Variants in DGKB observed in about 807,000 individuals in gnomAD.
DGKB encodes the protein 90 kDa diacylglycerol kinase.
DGKB carries 67 observed loss-of-function variants against 114.3 expected under a neutral mutation model. The ratio of observed to expected loss-of-function variants is 0.59; its 90% CI spans 0.48 to 0.72. DGKB has a LOEUF of 0.72. Among genes scored for constraint, DGKB ranks in the 30% least tolerant of loss-of-function variants. The pLI is 0.00. For synonymous variants in DGKB, 398 were observed against 323.1 expected (o/e 1.23, Z -2.49); for missense variants, 907 against 975.2 (o/e 0.93, Z 0.93).
intron 21 of DGKB, among the ~76,000 whole-genome samples, chr7:14,454,748 A>G (rs145436270): frequency 2.0e-5 from 3 of 152,180 alleles, no homozygotes; most frequent in African/African-American, 7.2e-5. Flanking sequence ...TATAGCATCA[A>G]TATCCTGCAT....
intron 20 of DGKB, among the ~76,000 whole-genome samples, chr7:14,496,704 C>T (rs183276946): frequency 3.8e-4 from 58 of 151,846 alleles, no homozygotes; most frequent in Admixed American, 6.6e-4. Flanking sequence ...GACAAAGAGG[C>T]AGAAACATTA....
At chr7:14,392,995 G>GTTTTGTTGTTT (rs1554404749) in intron 21 of DGKB, among the ~76,000 whole-genome samples, 1 of 60,544 alleles carries the variant, frequency 1.7e-5, no homozygotes, top group African/African-American at 4.8e-5. Flanking sequence ...TTTTGTTTTT[G>GTTTTGTTGTTT]TTTTTTTTTT....
intron 13 of DGKB, among the ~76,000 whole-genome samples, chr7:14,657,613 A>G (rs748930006): frequency 6.6e-6 from 1 of 151,908 alleles, no homozygotes; most frequent in Non-Finnish European, 1.5e-5. Context: ...GTAAATTTAA[A>G]AGAAGGGTGA....
chr7:14,542,352 C>T (rs966239305), intron 20 of DGKB, among the ~76,000 whole-genome samples: 5 of 152,056 alleles, frequency 3.3e-5, no homozygotes, highest in Non-Finnish European at 5.9e-5. Context: ...TCCTTCTCCT[C>T]TGCATCTACT....
chr7:14,971,906 G>C (rs543576984), intron 1 of DGKB, among the ~76,000 whole-genome samples: 2 of 151,786 alleles, frequency 1.3e-5, no homozygotes, highest in African/African-American at 4.8e-5. Context: ...GTGATTACCC[G>C]GCTAATTTCT....
At chr7:14,564,924 T>C (rs1797175417) in intron 20 of DGKB, among the ~76,000 whole-genome samples, 1 of 152,102 alleles carries the variant, frequency 6.6e-6, no homozygotes, top group Non-Finnish European at 1.5e-5. Flanking sequence ...CTTTTTGAGC[T>C]CTCCCTATTA....
At chr7:14,838,276 A>T (rs1201665583) in intron 2 of DGKB, among the ~76,000 whole-genome samples, 1 of 152,190 alleles carries the variant, frequency 6.6e-6, no homozygotes, top group Non-Finnish European at 1.5e-5. Context: ...ATCAATTCAA[A>T]TGGAATTTCT....
chr7:14,403,490 T>C (rs1188039839), intron 21 of DGKB, among the ~76,000 whole-genome samples: 1 of 147,648 alleles, frequency 6.8e-6, no homozygotes, highest in Non-Finnish European at 1.5e-5. Flanking sequence ...TCTCCTATGA[T>C]ATATGTTTTC....
rs754087921 is a variant in DGKB, at chr7:14,958,426, AACACACACAC to A, written c.-188+16260_-188+16269del. ...CAAACCCCACACCAATACCTCTCCCAACACACACACACACACACACACACACACACACACA... is the reference window on the plus strand; with the variant it reads ...CAAACCCCACACCAATACCTCTCCCAACACACACACACACACACACACACA... On this transcript the variant is annotated intron_variant, in intron 1 of 4. Transcript: ENST00000437998. 5.6e-3 allele frequency among the ~76,000 whole-genome samples: 688 copies of A among 122,856 alleles called. 7 individuals carry two copies. Among genetic ancestry groups the A allele is most frequent in the African/African-American group, 0.017 (534 of 31,380 alleles). 80.6% of individuals were successfully genotyped at this position (122,856 alleles called of 152,430 possible).
chr7:14,858,514 T>C (rs537149793), intron 1 of DGKB, among the ~76,000 whole-genome samples: 38 of 152,266 alleles, frequency 2.5e-4, no homozygotes, highest in African/African-American at 8.7e-4. Flanking sequence ...CATATTTGAT[T>C]AAGATATTGC....
chr7:14,417,240 T>C (rs972881743), intron 21 of DGKB, among the ~76,000 whole-genome samples: 76 of 152,192 alleles, frequency 5.0e-4, no homozygotes, highest in African/African-American at 1.8e-3. Flanking sequence ...TAATTATGAT[T>C]AATTTCACAA....
At chr7:14,193,276 C>T (rs916536138) in intron 23 of DGKB, among the ~76,000 whole-genome samples, 6 of 151,668 alleles carry the variant, frequency 4.0e-5, no homozygotes, top group African/African-American at 1.2e-4. Flanking sequence ...GGGATCACAC[C>T]ACCTGACTTC....
chr7:14,944,866 T>C (rs1419116742), intron 1 of DGKB, among the ~76,000 whole-genome samples: 1 of 151,870 alleles, frequency 6.6e-6, no homozygotes, highest in Non-Finnish European at 1.5e-5. Context: ...ATACCATAAG[T>C]ATATCATAAG....
At chr7:14,339,296 G>T (rs1434838063) in intron 22 of DGKB, among the ~76,000 whole-genome samples, 2 of 151,862 alleles carry the variant, frequency 1.3e-5, no homozygotes, top group East Asian at 3.9e-4. Context: ...TGGACTAGAT[G>T]AAGTCCTAAG....
At chr7:14,677,173 T>A (rs750879946) in intron 12 of DGKB, among the ~76,000 whole-genome samples, 3 of 151,948 alleles carry the variant, frequency 2.0e-5, no homozygotes, top group Non-Finnish European at 4.4e-5. Context: ...TGTGTGCATG[T>A]GTGCCAGCAT....
At chr7:14,348,836 G>A (rs1812929982) in intron 21 of DGKB, among the ~76,000 whole-genome samples, 1 of 151,786 alleles carries the variant, frequency 6.6e-6, no homozygotes, top group Admixed American at 6.6e-5. Context: ...GGCAAGCAGA[G>A]AAGGAAGAAG....
intron 23 of DGKB, among the ~76,000 whole-genome samples, chr7:14,230,628 ACT>A (rs1791569547): frequency 6.6e-6 from 1 of 152,010 alleles, no homozygotes; most frequent in South Asian, 2.1e-4. Flanking sequence ...TTTTATTATG[ACT>A]CTATAGATTC....
At position 14,736,077 on chromosome 7, in the gene DGKB, G is replaced by C; in HGVS notation, c.286C>G (p.Pro96Ala). 1 of 1,609,058 alleles carries C rather than the reference G, an allele frequency of 6.2e-7. No individual in the cohort carries two copies. The highest frequency in any genetic ancestry group is 1.3e-5 in the African/African-American group (1 of 74,934). ...SFSNKFPHSS[P>A]MVKSKPALLS... ...AGAGCAGGCTTACTTTTTACCATTG[G>C]ACTAGAATGAGGAAACTTGTTGCTA... Residue 96 changes from proline (P) to alanine (A), a missense_variant, in exon 5 of 26, where the codon CCA becomes GCA. Pro to Ala is a conservative substitution (Grantham distance 27). Coordinates refer to ENST00000402815, the MANE Select transcript of DGKB (RefSeq NM_001350709.2).
At position 14,883,862 on chromosome 7, in the gene DGKB, A is replaced by C. The variant is rs76543165; in HGVS notation, c.-188+18730T>G. ...CTTTTCACTTTTATCCCTGTTCTAA[A>C]CCCAATGATACCCAACAAACAAGTG... On this transcript the variant is annotated intron_variant, in intron 1 of 25. Coordinates refer to ENST00000402815, the MANE Select transcript of DGKB (RefSeq NM_001350709.2). Among the ~76,000 whole-genome samples, 980 of 152,090 alleles carry C rather than the reference A, an allele frequency of 6.4e-3. 10 individuals are homozygous for C. Among genetic ancestry groups the C allele is most frequent in the African/African-American group, 0.022 (928 of 41,524 alleles).
Sources: allele counts gnomAD v4.1 joint callset (sites outside exome capture counted in the v4.1 genomes callset), GRCh38; gene constraint gnomAD v4.1.1; transcripts MANE v1.5; gene names NCBI Gene and HGNC (gene_info 2026-07-23, HGNC 2026-07-21).